The following RBFOX2 variants were observed in gnomAD, a reference collection of about 807,000 sequenced individuals.
The protein encoded by RBFOX2 is RNA binding fox-1 homolog 2.
Under a neutral mutation model 49.1 loss-of-function variants are expected in RBFOX2, and 10 were observed. That is an observed-to-expected ratio of 0.20 (90% CI 0.13 to 0.35). The LOEUF is 0.35. Among genes scored for constraint, RBFOX2 ranks in the 10% least tolerant of loss-of-function variants. The pLI, the probability that RBFOX2 is intolerant of heterozygous loss-of-function variation, is 1.00. For missense variants in RBFOX2, 323 were observed against 486.9 expected (o/e 0.66, Z 3.17); for synonymous variants, 183 against 187.4 (o/e 0.98, Z 0.19).
intron 2 of RBFOX2, among the ~76,000 whole-genome samples, chr22:35,796,549 A>C (rs1308145982): frequency 1.3e-5 from 2 of 152,208 alleles, no homozygotes; most frequent in African/African-American, 2.4e-5. Flanking sequence ...GTCTTCTTTG[A>C]TAATACATCA....
chr22:35,956,981 A>T (rs2055637835), intron 1 of RBFOX2, among the ~76,000 whole-genome samples: 2 of 152,190 alleles, frequency 1.3e-5, no homozygotes, highest in South Asian at 4.1e-4. Context: ...GAAGAACATA[A>T]CTACTCAGTC....
At chr22:35,979,296 C>T (rs1038081684) in intron 1 of RBFOX2, among the ~76,000 whole-genome samples, 2 of 152,146 alleles carry the variant, frequency 1.3e-5, no homozygotes, top group African/African-American at 4.8e-5. Flanking sequence ...ACGCATATTC[C>T]TAGACAAGAT....
chr22:35,831,943 T>TA (rs1956881990), intron 1 of RBFOX2, among the ~76,000 whole-genome samples: 1 of 152,156 alleles, frequency 6.6e-6, no homozygotes, highest in Non-Finnish European at 1.5e-5. Context: ...TTCCTGCCAA[T>TA]CAGCTGAGGG....
intron 1 of RBFOX2, among the ~76,000 whole-genome samples, chr22:35,880,275 A>G (rs2045714614): frequency 6.6e-6 from 1 of 152,188 alleles, no homozygotes; most frequent in Non-Finnish European, 1.5e-5. Flanking sequence ...CAGGATGACT[A>G]AGGTTTTTTT....
chr22:35,850,550 G>A (rs1201678972), intron 1 of RBFOX2, among the ~76,000 whole-genome samples: 3 of 152,068 alleles, frequency 2.0e-5, no homozygotes, highest in Admixed American at 1.3e-4. Flanking sequence ...GATTAACTCC[G>A]GCTGTCTGCA....
intron 5 of RBFOX2, among the ~76,000 whole-genome samples, chr22:35,766,420 G>A (rs1240936167): frequency 6.6e-6 from 1 of 151,976 alleles, no homozygotes; most frequent in Admixed American, 6.5e-5. Context: ...AATTTACATT[G>A]TGTTCAATTT....
chr22:35,746,295 G>C (rs1210829686), intron 10 of RBFOX2, among the ~76,000 whole-genome samples, 178 bp downstream of exon 12: 1 of 152,164 alleles, frequency 6.6e-6, no homozygotes, highest in African/African-American at 2.4e-5. Flanking sequence ...GACAGAGTCG[G>C]TGCCTTGTGC....
At chr22:35,873,901 G>A (rs2044680928) in intron 1 of RBFOX2, among the ~76,000 whole-genome samples, 1 of 152,104 alleles carries the variant, frequency 6.6e-6, no homozygotes. Context: ...GGTTGGTCTC[G>A]AACTCCTGGC....
rs1269392019 is a variant in RBFOX2 at position 36,017,883 on chromosome 22, T to C, written c.186+10357A>G. On this transcript the variant is annotated intron_variant, in intron 1 of 13. Coordinates refer to the RBFOX2 transcript ENST00000438146. ...GTTGCTATGCCTACCCAACACATTC[T>C]GCAGTTAAATTCTACCCCAGCTTCT... 2.0e-5 allele frequency among the ~76,000 whole-genome samples: 3 copies of C among 152,228 alleles called. No individual in the cohort carries two copies. The South Asian group carries it at 6.2e-4, about 31-fold the overall frequency.
At chr22:35,991,386 T>C (rs547024114) in intron 1 of RBFOX2, among the ~76,000 whole-genome samples, 10 of 152,312 alleles carry the variant, frequency 6.6e-5, no homozygotes, top group Admixed American at 5.9e-4. Context: ...TTCTGGATGC[T>C]GACCAAGGAG....
At chr22:35,843,447 G>GTTTCCTC (rs1556031852), upstream of RBFOX2, among the ~76,000 whole-genome samples, 7 of 151,956 alleles carry the variant, frequency 4.6e-5, no homozygotes, top group Non-Finnish European at 7.4e-5. Context: ...TCAACTCTTT[G>GTTTCCTC]AGTGTTTCAT....
At chr22:35,766,363 T>A (rs559096114) in intron 5 of RBFOX2, among the ~76,000 whole-genome samples, 2 of 152,270 alleles carry the variant, frequency 1.3e-5, no homozygotes, top group South Asian at 4.1e-4. Context: ...AACATGCCAA[T>A]TGAAAAAAGA....
chr22:35,778,036 G>A, exon 4 of RBFOX2: 1 of 1,612,970 alleles, frequency 6.2e-7, no homozygotes, highest in Non-Finnish European at 8.5e-7. Flanking sequence ...TTAGAGCCAC[G>A]TTCATTAAAG....
intron 5 of RBFOX2, among the ~76,000 whole-genome samples, chr22:35,768,006 AAC>A (rs1235490163): frequency 1.3e-5 from 2 of 152,042 alleles, no homozygotes; most frequent in African/African-American, 2.4e-5. Context: ...ATGAAAAACA[AAC>A]ACACACACAC....
chr22:35,993,642 T>C (rs866012021), intron 1 of RBFOX2: 2 of 152,210 alleles, frequency 1.3e-5, no homozygotes, highest in East Asian at 1.9e-4. Flanking sequence ...TGTTTGTTGT[T>C]TGAAGCCAGT....
intron 1 of RBFOX2, among the ~76,000 whole-genome samples, chr22:35,934,578 T>C (rs1231409508): frequency 2.0e-5 from 3 of 152,198 alleles, no homozygotes; most frequent in Non-Finnish European, 4.4e-5. Flanking sequence ...AGACATAAAG[T>C]TGTTGCACCA....
chr22:36,001,184 TACACACACACAC>T (rs57905429), intron 1 of RBFOX2, among the ~76,000 whole-genome samples: 10,764 of 133,626 alleles, frequency 0.081, 506 homozygotes, highest in Non-Finnish European at 0.12. Context: ...CCCCAAAACA[TACACACACACAC>T]ACACACACAC....
intron 1 of RBFOX2, among the ~76,000 whole-genome samples, chr22:35,876,898 T>A (rs1044966055): frequency 6.6e-6 from 1 of 151,980 alleles, no homozygotes; most frequent in African/African-American, 2.4e-5. Flanking sequence ...TAGCAGAAAA[T>A]TACAAATAAT....
chr22:35,978,463 C>T (rs2057304062), intron 1 of RBFOX2, among the ~76,000 whole-genome samples: 2 of 152,148 alleles, frequency 1.3e-5, no homozygotes, highest in African/African-American at 2.4e-5. Flanking sequence ...TATGCATACC[C>T]ACCACCCAGA....
Sources: gnomAD v4.1 joint callset for allele counts (sites outside exome capture counted in the v4.1 genomes callset) on GRCh38, gnomAD v4.1.1 for gene constraint, MANE v1.5 for transcripts, NCBI Gene and HGNC (gene_info 2026-07-23, HGNC 2026-07-21) for gene names.